The following RBFOX1 variants were observed in gnomAD, a reference collection of about 807,000 sequenced individuals.
RBFOX1 encodes RNA binding fox-1 homolog 1.
A neutral mutation model predicts 57.7 loss-of-function variants in RBFOX1; 8 were observed. That is an observed-to-expected ratio of 0.14 (90% CI 0.08 to 0.25). The LOEUF (loss-of-function observed/expected upper bound fraction) is 0.25. RBFOX1 is among the 10% of genes least tolerant of loss of function. RBFOX1 has a pLI of 1.00. For missense variants in RBFOX1, 611 were observed against 548.5 expected (o/e 1.11, Z -1.14); for synonymous variants, 326 against 222.4 (o/e 1.47, Z -4.15).
chr16:6,421,178 T>A (rs989111812), intron 2 of RBFOX1, among the ~76,000 whole-genome samples: 1 of 152,130 alleles, frequency 6.6e-6, no homozygotes, highest in East Asian at 1.9e-4. Context: ...ATTTCAGGAA[T>A]CCCAGGCTAC....
intron 4 of RBFOX1, among the ~76,000 whole-genome samples, chr16:5,956,863 G>A (rs1328200144): frequency 1.1e-4 from 17 of 149,954 alleles, no homozygotes; most frequent in Admixed American, 1.1e-3. Context: ...TAGAGATGGG[G>A]TTTCGCCATT....
intron 1 of RBFOX1, among the ~76,000 whole-genome samples, chr16:6,122,030 T>A (rs2096553920): frequency 6.6e-6 from 1 of 152,124 alleles, no homozygotes; most frequent in South Asian, 2.1e-4. Flanking sequence ...CTCAGCCTCC[T>A]GCGTAGCTGG....
At chr16:7,518,637 C>A (rs780279996) in intron 5 of RBFOX1, among the ~76,000 whole-genome samples, 8 of 152,152 alleles carry the variant, frequency 5.3e-5, no homozygotes, top group Non-Finnish European at 1.2e-4. Flanking sequence ...TATCAATTTT[C>A]TATTCCTATA....
intron 4 of RBFOX1, among the ~76,000 whole-genome samples, chr16:7,370,295 C>G (rs1345127103): frequency 6.6e-6 from 1 of 152,128 alleles, no homozygotes; most frequent in Admixed American, 6.6e-5. Flanking sequence ...AGACAAAATA[C>G]TAAGAAGCAG....
intron 3 of RBFOX1, among the ~76,000 whole-genome samples, chr16:7,006,177 A>G (rs565636233): frequency 1.3e-5 from 2 of 151,856 alleles, no homozygotes; most frequent in Admixed American, 6.6e-5. Context: ...TTTGAGATGG[A>G]GTCTCACTCT....
intron 1 of RBFOX1, among the ~76,000 whole-genome samples, chr16:6,076,755 G>T (rs912271568): frequency 2.6e-5 from 4 of 152,172 alleles, no homozygotes; most frequent in Non-Finnish European, 5.9e-5. Flanking sequence ...TGTCAAACTT[G>T]TTACATAGAT....
intron 3 of RBFOX1, among the ~76,000 whole-genome samples, chr16:6,905,643 T>C (rs558336077): frequency 2.0e-5 from 3 of 152,104 alleles, no homozygotes; most frequent in Non-Finnish European, 4.4e-5. Context: ...TTTCCCCGTT[T>C]AGCAACATTG....
chr16:5,742,142 C>A (rs1567476619), intron 3 of RBFOX1, among the ~76,000 whole-genome samples: 1 of 152,122 alleles, frequency 6.6e-6, no homozygotes, highest in African/African-American at 2.4e-5. Flanking sequence ...TTACATTTTT[C>A]CATCATTTGG....
chr16:5,488,890 T>C (rs569047095), intron 2 of RBFOX1, among the ~76,000 whole-genome samples: 85 of 152,282 alleles, frequency 5.6e-4, no homozygotes, highest in African/African-American at 2.0e-3. Context: ...GATGATGGAA[T>C]ATGATGGTGA....
At position 7,176,696 on chromosome 16, in the gene RBFOX1, A is replaced by C. The variant is rs1209823940; in HGVS notation, c.27+124598A>C. On this transcript the variant is annotated intron_variant, in intron 4 of 15. Coordinates refer to ENST00000550418, the MANE Select transcript of RBFOX1 (RefSeq NM_018723.4). ...AAGGTTTCCGATCCTTGTTCTAGGTATTGAGAATGAAACAATGAACACAAT... is the reference window on the plus strand; with the variant it reads ...AAGGTTTCCGATCCTTGTTCTAGGTCTTGAGAATGAAACAATGAACACAAT... Among the ~76,000 whole-genome samples, 3 of 152,198 alleles carry C rather than the reference A, an allele frequency of 2.0e-5. No individual in the cohort carries two copies. In the East Asian group the frequency reaches 5.8e-4, roughly 29 times the overall value.
At chr16:5,245,677 C>T (rs776439491) in intron 1 of RBFOX1, among the ~76,000 whole-genome samples, 1 of 152,088 alleles carries the variant, frequency 6.6e-6, no homozygotes, top group Non-Finnish European at 1.5e-5. Context: ...AGTGATCGGC[C>T]CACCTTGGCC....
At chr16:6,269,186 A>C (rs1367202755) in intron 1 of RBFOX1, among the ~76,000 whole-genome samples, 2 of 152,254 alleles carry the variant, frequency 1.3e-5, no homozygotes, top group Non-Finnish European at 2.9e-5. Flanking sequence ...CTGTATGCTT[A>C]AGCAAAAATT....
chr16:6,918,645 T>G (rs2073792397), intron 3 of RBFOX1, among the ~76,000 whole-genome samples: 2 of 152,160 alleles, frequency 1.3e-5, no homozygotes, highest in Non-Finnish European at 2.9e-5. Flanking sequence ...AAAATGTGGT[T>G]GCTTGTCACT....
At chr16:7,061,685 T>A (rs982828570) in intron 4 of RBFOX1, among the ~76,000 whole-genome samples, 5 of 152,196 alleles carry the variant, frequency 3.3e-5, no homozygotes, top group African/African-American at 1.2e-4. Flanking sequence ...GAAAATCTAT[T>A]CCCATTTCTT....
chr16:5,970,112 G>T (rs371427339), intron 4 of RBFOX1, among the ~76,000 whole-genome samples: 2 of 152,090 alleles, frequency 1.3e-5, no homozygotes, highest in Non-Finnish European at 2.9e-5. Flanking sequence ...TGAGTCTGCC[G>T]CATGACCTGA....
intron 4 of RBFOX1, among the ~76,000 whole-genome samples, chr16:7,333,849 A>C (rs1279713464): frequency 6.6e-6 from 1 of 152,142 alleles, no homozygotes; most frequent in South Asian, 2.1e-4. Flanking sequence ...CTCCGTTGAA[A>C]GCTAACATCT....
chr16:7,053,860 C>T (rs1382481), intron 4 of RBFOX1, among the ~76,000 whole-genome samples: 83,917 of 151,902 alleles, frequency 0.55, 24,542 homozygotes, highest in South Asian at 0.76. Flanking sequence ...GGTCACTGTT[C>T]TTGCTTTTTA....
chr16:7,152,540 G>C (rs547754205), intron 4 of RBFOX1, among the ~76,000 whole-genome samples: 3 of 152,128 alleles, frequency 2.0e-5, no homozygotes, highest in Admixed American at 6.5e-5. Context: ...AGTTAGCTGT[G>C]CAATCTTGAT....
chr16:6,203,099 T>G (rs1448780880), intron 1 of RBFOX1, among the ~76,000 whole-genome samples: 3 of 151,906 alleles, frequency 2.0e-5, no homozygotes, highest in African/African-American at 7.3e-5. Flanking sequence ...CCTTTTGTGG[T>G]AAGAGCACTT....
Sources: gnomAD v4.1 joint callset for allele counts (sites outside exome capture counted in the v4.1 genomes callset) on GRCh38, gnomAD v4.1.1 for gene constraint, MANE v1.5 for transcripts, NCBI Gene and HGNC (gene_info 2026-07-23, HGNC 2026-07-21) for gene names.